Variants in ZMYM3 observed in about 807,000 individuals in gnomAD.
The protein encoded by ZMYM3 is zinc finger MYM-type protein 3.
Under a neutral mutation model 94.2 loss-of-function variants are expected in ZMYM3, and 6 were observed. That is an observed-to-expected ratio of 0.06 (90% CI 0.03 to 0.13). ZMYM3 has a LOEUF of 0.13. Ranked by LOEUF, ZMYM3 falls within the 10% of genes least tolerant of loss-of-function variation. ZMYM3 has a pLI of 1.00. For missense variants in ZMYM3, 664 were observed against 1,132.6 expected (o/e 0.59, Z 5.94); for synonymous variants, 420 against 426.5 (o/e 0.98, Z 0.19).
chrX:71,240,967 C>T lies in ZMYM3; in HGVS notation c.4062G>A (p.Val1354=). ...GACCCAGTTCCTCATAAATCTCGCG[C>T]ACAGCCAGGATGCGATTGAGCATGC... The part of the protein sequence containing the change: ...LESMLNRILA[V]REIYEELGRP... The change falls in exon 25 of 25, where the codon GTG becomes GTA. Residue 1354 remains valine, a synonymous_variant. Coordinates refer to ENST00000314425, the MANE Select transcript of ZMYM3 (RefSeq NM_201599.3). The T allele has an allele frequency of 8.3e-7, 1 of 1,211,649 alleles. No individual in the cohort carries two copies. The highest frequency in any genetic ancestry group is 3.0e-5 in the East Asian group (1 of 33,840).
At chrX:71,251,087 G>A in intron 4 of ZMYM3, 91 bp downstream of exon 4, 1 of 948,765 alleles carries the variant, frequency 1.1e-6, no homozygotes, top group Non-Finnish European at 1.5e-6. Context: ...AGGACGGCAG[G>A]AGCTAGAAGA....
At chrX:71,248,552 G>A in intron 9 of ZMYM3, 28 bp from the exon 10 acceptor site, 1 of 1,198,536 alleles carries the variant, frequency 8.3e-7, no homozygotes, top group Non-Finnish European at 1.1e-6. Context: ...AAGTAAGGGA[G>A]GGGCAAGATG....
rs1033492604 is a variant in ZMYM3 at position 71,240,694 on chromosome X, A to G, written c.*222T>C. On this transcript the variant is annotated 3_prime_UTR_variant, in exon 25 of 25. Coordinates refer to ENST00000314425, the MANE Select transcript of ZMYM3 (RefSeq NM_201599.3). ...AAGCTGGCTTTTGCCCATCACTGGGAGACCAGCCCCTGAGTACAGAAGACC... is the reference window on the plus strand; with the variant it reads ...AAGCTGGCTTTTGCCCATCACTGGGGGACCAGCCCCTGAGTACAGAAGACC... The G allele has an allele frequency of 8.0e-6, 3 of 374,686 alleles. No individual in the cohort carries two copies. Among genetic ancestry groups the G allele is most frequent in the Non-Finnish European group, 1.4e-5 (3 of 218,532 alleles). 30.9% of individuals were successfully genotyped at this position (374,686 alleles called of 1,213,427 possible).
At position 71,240,852 on chromosome X, in the gene ZMYM3, C is replaced by G; in HGVS notation, c.*64G>C. On this transcript the variant is annotated 3_prime_UTR_variant, in exon 25 of 25. Transcript: ENST00000314425. The stretch of plus-strand genomic sequence containing the variant: ...GTAGCATTGGTTCCTGGGCCTGTCA[C>G]CCTGAGGGACATGGCCACAGGACAG... 8.8e-7 allele frequency: 1 copy of G among 1,137,065 alleles called. No homozygotes were observed. Among genetic ancestry groups the G allele is most frequent in the Non-Finnish European group, 1.2e-6 (1 of 836,849 alleles). 93.7% of individuals were successfully genotyped at this position (1,137,065 alleles called of 1,213,427 possible).
At position 71,247,789 on chromosome X, in the gene ZMYM3, G is replaced by C; in HGVS notation, c.2093C>G (p.Thr698Ser). 8.3e-7 allele frequency: 1 copy of C among 1,212,000 alleles called. No individual in the cohort carries two copies. Among genetic ancestry groups the C allele is most frequent in the Non-Finnish European group, 1.1e-6 (1 of 895,553 alleles). The change falls in exon 12 of 25, where the codon ACC becomes AGC. Residue 698 changes from threonine (T) to serine (S), a missense_variant. Coordinates refer to ENST00000314425, the MANE Select transcript of ZMYM3 (RefSeq NM_201599.3). ...RGVTEQLDGS[T>S]WDFCSEDCKS... is the part of the protein sequence containing the mutation. The stretch of plus-strand genomic sequence containing the variant: ...ACAGTCCTCACTGCAGAAGTCCCAG[G>C]TGCTGCCATCCAGTTGCTCGGTGAC...
In ZMYM3 at chrX:71,248,816, GA is replaced by G. The variant is rs1374395895; in HGVS notation, c.1622-16del. On this transcript the variant is annotated splice_polypyrimidine_tract_variant and intron_variant, in intron 8 of 24. Coordinates refer to ENST00000314425, the MANE Select transcript of ZMYM3 (RefSeq NM_201599.3). ...TCGGGGAGGGCCTGGGGCATAGAGAGAAAGAGAGAGAGGAAAAGAGAAAGAG... is the reference window on the plus strand; with the variant it reads ...TCGGGGAGGGCCTGGGGCATAGAGAGAAGAGAGAGAGGAAAAGAGAAAGAG... 5 of 1,162,154 alleles carry G rather than the reference GA, an allele frequency of 4.3e-6. No individual in the cohort carries two copies. The highest frequency in any genetic ancestry group is 4.6e-6 in the Non-Finnish European group (4 of 861,296).
chrX:71,252,526 A>G (rs949850016), intron 2 of ZMYM3, 63 bp downstream of exon 2: 63 of 1,078,137 alleles, frequency 5.8e-5, no homozygotes, highest in African/African-American at 1.1e-4. Flanking sequence ...CAAAGCACAT[A>G]GCCACCCCTC....
Position 71,251,603 on chromosome X carries a change from T to A in ZMYM3, c.668-2A>T. 1 of 1,187,437 alleles carries A rather than the reference T, an allele frequency of 8.4e-7. No homozygotes were observed. Among genetic ancestry groups the A allele is most frequent in the Admixed American group, 2.3e-5 (1 of 43,486 alleles). The stretch of plus-strand genomic sequence containing the variant: ...TCGCCTTCGCAGTCAGGCCATCTCC[T>A]GCAAAGGAAGCAGAAGGCAGCCTAA... On this transcript the variant is annotated splice_acceptor_variant, in intron 2 of 24. Transcript: ENST00000314425. LOFTEE classifies it high-confidence loss of function.
rs368688794 is a variant in ZMYM3, at chrX:71,246,696, T to C, written c.2315-4A>G. 33 of 1,205,034 alleles carry C rather than the reference T, an allele frequency of 2.7e-5. No individual in the cohort carries two copies. The highest frequency in any genetic ancestry group is 3.5e-5 in the Non-Finnish European group (31 of 890,680). On this transcript the variant is annotated splice_polypyrimidine_tract_variant and splice_region_variant and intron_variant, in intron 13 of 24. Transcript: ENST00000314425. The stretch of plus-strand genomic sequence containing the variant: ...GGTTTTGACTCAGGAGACTGACCTG[T>C]AGATCAAAACAAATGAATGCTCTCA...
chrX:71,249,405 C>G, intron 7 of ZMYM3, 56 bp downstream of exon 7: 1 of 1,162,291 alleles, frequency 8.6e-7, no homozygotes. Context: ...TTATTTATAA[C>G]CCAAGAACCA....
chrX:71,245,405 T>C lies in ZMYM3; in HGVS notation c.2941A>G (p.Met981Val). ...AAGACATTGGCCATCTTGACTGCCATGGCCAGGACATCATCTCGAGCAGGC... is the reference window on the plus strand; with the variant it reads ...AAGACATTGGCCATCTTGACTGCCACGGCCAGGACATCATCTCGAGCAGGC... ...FGPARDDVLA[M>V]AVKMANVLDE... is the part of the protein sequence containing the mutation. Residue 981 changes from methionine to valine, a missense_variant, in exon 18 of 25, where the codon ATG becomes GTG. Transcript: ENST00000314425. The C allele has an allele frequency of 8.3e-7, 1 of 1,211,864 alleles. No individual in the cohort carries two copies. The highest frequency in any genetic ancestry group is 1.1e-6 in the Non-Finnish European group (1 of 895,523).
intron 2 of ZMYM3, 47 bp downstream of exon 2, chrX:71,252,542 C>T (rs1393325739): frequency 2.7e-6 from 3 of 1,119,461 alleles, no homozygotes; most frequent in Non-Finnish European, 3.5e-6. Context: ...CCCTCCTTAC[C>T]ACCACCCTCT....
In ZMYM3 at chrX:71,248,355, TG is replaced by T. The variant is rs781545386; in HGVS notation, c.1825-44del. ...GGCAGGGAGGACAAGCTGTAACATCTGGCCCCAGCAGGGGCCAAGTGGAAGG... is the reference window on the plus strand; with the variant it reads ...GGCAGGGAGGACAAGCTGTAACATCTGCCCCAGCAGGGGCCAAGTGGAAGG... On this transcript the variant is annotated intron_variant, in intron 10 of 24. Coordinates refer to ENST00000314425, the MANE Select transcript of ZMYM3 (RefSeq NM_201599.3). The T allele has an allele frequency of 4.2e-6, 5 of 1,191,010 alleles. No homozygotes were observed. The South Asian group carries it at 9.2e-5, about 22-fold the overall frequency.
At chrX:71,255,143 T>TCC (rs2030708156), upstream of ZMYM3, 1 of 88,512 alleles carries the variant, frequency 1.1e-5, no homozygotes, top group Admixed American at 1.3e-4. Flanking sequence ...TCTCTCTCTC[T>TCC]CTCTCTGTAT....
intron 2 of ZMYM3, 94 bp downstream of exon 2, chrX:71,252,495 C>T: frequency 1.1e-6 from 1 of 947,136 alleles, no homozygotes; most frequent in Non-Finnish European, 1.4e-6. Context: ...TCTCTCCACC[C>T]TCCTCCTCCC....
chrX:71,240,991 G>C lies in ZMYM3; in HGVS notation c.4038C>G (p.Ser1346Arg). The change falls in exon 25 of 25, where the codon AGC becomes AGG. Residue 1346 changes from serine to arginine, a missense_variant. By Grantham distance (110) the Ser-to-Arg change is moderately radical. Around this residue, in one of 9 missense-constraint regions of ZMYM3, gnomAD observed 58 missense variants for 112.4 expected, o/e 0.52. Coordinates refer to ENST00000314425, the MANE Select transcript of ZMYM3 (RefSeq NM_201599.3). ...GCACAGCCAGGATGCGATTGAGCAT[G>C]CTCTCCAACATGCTGCGGTCCATGG... Reference protein sequence around the residue: ...VIPMDRSMLESMLNRILAVRE... With the variant: ...VIPMDRSMLERMLNRILAVRE... 1 of 1,211,833 alleles carries C rather than the reference G, an allele frequency of 8.3e-7. No homozygotes were observed. Among genetic ancestry groups the C allele is most frequent in the African/African-American group, 1.7e-5 (1 of 57,803 alleles).
At chrX:71,245,107 T>G (rs965439761) in intron 18 of ZMYM3, among the ~76,000 whole-genome samples, 4 of 96,279 alleles carry the variant, frequency 4.2e-5, no homozygotes, top group Non-Finnish European at 8.1e-5. Flanking sequence ...AAATTTTATG[T>G]TTTTTTTCAG....
At chrX:71,252,470 A>T in intron 2 of ZMYM3, 119 bp downstream of exon 2, 1 of 735,902 alleles carries the variant, frequency 1.4e-6, no homozygotes, top group Non-Finnish European at 1.8e-6. Context: ...TTCCCCACAC[A>T]CATCCCTACA....
At chrX:71,245,939 G>A (rs760907389) in intron 16 of ZMYM3, 47 bp downstream of exon 16, 7 of 1,191,874 alleles carry the variant, frequency 5.9e-6, no homozygotes, top group Non-Finnish European at 7.9e-6. Context: ...CAGTTGATGA[G>A]AGTAAGGGGA....
Sources: allele counts gnomAD v4.1 joint callset (sites outside exome capture counted in the v4.1 genomes callset), GRCh38; gene constraint gnomAD v4.1.1; regional missense constraint gnomAD v4.1.1; transcripts MANE v1.5; gene names NCBI Gene and HGNC (gene_info 2026-07-23, HGNC 2026-07-21).